GPR158: variants seen among roughly 807,000 people sequenced by gnomAD.
GPR158 encodes the protein G protein-coupled receptor 158.
In GPR158, 30 loss-of-function variants were observed where a neutral mutation model predicts 78.2. The observed-to-expected ratio is 0.38, with a 90% CI of 0.29 to 0.52. The LOEUF is 0.52. GPR158 is among the 20% of genes least tolerant of loss of function. The probability of loss-of-function intolerance (pLI) is 0.83; values close to 1 mark genes in which losing one functional copy is unlikely to be tolerated. For missense variants in GPR158, 1,463 were observed against 1,523.5 expected, an observed-to-expected ratio of 0.96 and a Z score of 0.66; for synonymous variants, 581 against 591.1, an observed-to-expected ratio of 0.98 and a Z score of 0.25.
intron 2 of GPR158, among the ~76,000 whole-genome samples, chr10:25,346,262 C>CA (rs1855370156): frequency 6.6e-6 from 1 of 150,800 alleles, no homozygotes; most frequent in Non-Finnish European, 1.5e-5. Context: ...GCTGGGAAGA[C>CA]AAAACAACTG....
At chr10:25,189,710 C>G (rs1852743256) in intron 1 of GPR158, among the ~76,000 whole-genome samples, 1 of 150,766 alleles carries the variant, frequency 6.6e-6, no homozygotes, top group South Asian at 2.1e-4. Context: ...GGGTGCAGCA[C>G]ACCAACATGG....
intron 2 of GPR158, among the ~76,000 whole-genome samples, chr10:25,289,578 G>A (rs12411653): frequency 0.041 from 6,283 of 151,798 alleles, 337 homozygotes; most frequent in East Asian, 0.25. Flanking sequence ...GACTACAGGC[G>A]CCCACCACCA....
At chr10:25,427,638 T>C (rs1777539252) in intron 4 of GPR158, among the ~76,000 whole-genome samples, 1 of 152,112 alleles carries the variant, frequency 6.6e-6, no homozygotes, top group South Asian at 2.1e-4. Flanking sequence ...ACTTGCATGC[T>C]TTGCTCACAT....
intron 5 of GPR158, among the ~76,000 whole-genome samples, chr10:25,546,544 T>C (rs1019608617): frequency 6.6e-6 from 1 of 152,212 alleles, no homozygotes; most frequent in East Asian, 1.9e-4. Flanking sequence ...TGTATCTCCA[T>C]GAATGAATGA....
chr10:25,197,944 G>GA (rs1220744907), intron 1 of GPR158, among the ~76,000 whole-genome samples: 3 of 152,238 alleles, frequency 2.0e-5, no homozygotes, highest in South Asian at 2.1e-4. Flanking sequence ...GAACCCTGTG[G>GA]ATGTGTTTGA....
At chr10:25,190,907 A>G (rs1852763203) in intron 1 of GPR158, among the ~76,000 whole-genome samples, 1 of 152,208 alleles carries the variant, frequency 6.6e-6, no homozygotes, top group African/African-American at 2.4e-5. Flanking sequence ...TATGTTCATT[A>G]TGGAGAAATA....
chr10:25,214,780 A>G (rs1853183475), intron 1 of GPR158, among the ~76,000 whole-genome samples: 1 of 151,862 alleles, frequency 6.6e-6, no homozygotes, highest in Non-Finnish European at 1.5e-5. Context: ...AGGGAAGACC[A>G]TGTGAAGACA....
At chr10:25,368,249 A>C (rs762057278) in intron 2 of GPR158, among the ~76,000 whole-genome samples, 8 of 151,702 alleles carry the variant, frequency 5.3e-5, no homozygotes, top group Non-Finnish European at 1.0e-4. Context: ...TCCTTGTTTC[A>C]GGATCTACTT....
intron 2 of GPR158, among the ~76,000 whole-genome samples, chr10:25,279,338 A>G (rs796811457): frequency 9.2e-5 from 14 of 152,312 alleles, no homozygotes; most frequent in African/African-American, 2.6e-4. Context: ...AAACCTGACA[A>G]TGAGAATCCA....
intron 4 of GPR158, among the ~76,000 whole-genome samples, chr10:25,436,807 C>T (rs562677694): frequency 3.9e-4 from 59 of 152,244 alleles, no homozygotes; most frequent in African/African-American, 1.4e-3. Flanking sequence ...AGCATGTTGA[C>T]TAGACAGTGA....
At chr10:25,338,171 T>C (rs1162078169) in intron 2 of GPR158, among the ~76,000 whole-genome samples, 1 of 151,506 alleles carries the variant, frequency 6.6e-6, no homozygotes, top group Non-Finnish European at 1.5e-5. Flanking sequence ...GTTTCTGTGT[T>C]ATGACTAAGA....
At chr10:25,217,464 G>GT (rs1853232753) in intron 1 of GPR158, among the ~76,000 whole-genome samples, 1 of 152,148 alleles carries the variant, frequency 6.6e-6, no homozygotes, top group South Asian at 2.1e-4. Flanking sequence ...TCATGATTTT[G>GT]TTTTTCTTAA....
At chr10:25,291,425 CCATA>C (rs1376019888) in intron 2 of GPR158, among the ~76,000 whole-genome samples, 1 of 151,852 alleles carries the variant, frequency 6.6e-6, no homozygotes, top group Non-Finnish European at 1.5e-5. Flanking sequence ...AATCCTGAAA[CCATA>C]GATAAATTTC....
intron 5 of GPR158, among the ~76,000 whole-genome samples, chr10:25,512,661 G>A (rs1256613399): frequency 6.6e-6 from 1 of 152,120 alleles, no homozygotes; most frequent in Non-Finnish European, 1.5e-5. Flanking sequence ...AATGTTGGCT[G>A]TGGATTTGTC....
chr10:25,184,103 A>G (rs1189654231), intron 1 of GPR158, among the ~76,000 whole-genome samples: 1 of 152,254 alleles, frequency 6.6e-6, no homozygotes, highest in African/African-American at 2.4e-5. Flanking sequence ...TTCAACGACA[A>G]AGTTCTATTA....
intron 4 of GPR158, among the ~76,000 whole-genome samples, chr10:25,413,773 A>G (rs1231446302): frequency 6.6e-6 from 1 of 152,248 alleles, no homozygotes; most frequent in Non-Finnish European, 1.5e-5. Flanking sequence ...ATAGACTTTG[A>G]TAGTCATTTA....
intron 2 of GPR158, among the ~76,000 whole-genome samples, chr10:25,363,717 C>T (rs1365147488): frequency 6.6e-6 from 1 of 151,308 alleles, no homozygotes; most frequent in African/African-American, 2.4e-5. Flanking sequence ...CTGGATCCTG[C>T]TATGTGGTGC....
chr10:25,273,658 A>G (rs373882107), intron 2 of GPR158, among the ~76,000 whole-genome samples: 5 of 151,884 alleles, frequency 3.3e-5, no homozygotes, highest in African/African-American at 1.2e-4. Context: ...TTCTTTATGC[A>G]TTGAAGAAAA....
intron 2 of GPR158, among the ~76,000 whole-genome samples, chr10:25,300,161 C>T (rs777017582): frequency 5.3e-5 from 8 of 152,232 alleles, no homozygotes; most frequent in Non-Finnish European, 1.2e-4. Flanking sequence ...AAGTCTGACA[C>T]AGCTCTCATT....
Sources: allele counts gnomAD v4.1 joint callset (sites outside exome capture counted in the v4.1 genomes callset), GRCh38; gene constraint gnomAD v4.1.1; transcripts MANE v1.5; gene names NCBI Gene and HGNC (gene_info 2026-07-23, HGNC 2026-07-21).